USP48: variants seen among roughly 807,000 people sequenced by gnomAD.
The protein encoded by USP48 is ubiquitin carboxyl-terminal hydrolase 48.
In USP48, 43 loss-of-function variants were observed where a neutral mutation model predicts 150.7. The observed-to-expected ratio is 0.29, with a 90% CI of 0.22 to 0.37. USP48 has a LOEUF of 0.37. USP48 is among the 10% of genes least tolerant of loss of function. USP48 has a pLI of 1.00. For missense variants in USP48, 813 were observed against 1,249.6 expected (o/e 0.65, Z 5.27); for synonymous variants, 396 against 425.9 (o/e 0.93, Z 0.86).
In USP48 at chr1:21,728,478, T is replaced by TA; in HGVS notation, c.1450+91dup. ...GGCTTTAGTGGGTTATTAGAAAGAG[T>TA]AAGTTTGAGAAAGTTTCTTCATATA... is the stretch of plus-strand genomic sequence containing the variant. On this transcript the variant is annotated intron_variant, in intron 11 of 26. Transcript: ENST00000308271. 2.0e-6 allele frequency: 3 copies of TA among 1,513,824 alleles called. No homozygotes were observed. In the South Asian group the frequency reaches 4.1e-5, roughly 21 times the overall value. 93.8% of individuals were successfully genotyped at this position (1,513,824 alleles called of 1,614,324 possible).
chr1:21,705,569 T>C (rs1415204801), intron 19 of USP48, among the ~76,000 whole-genome samples, 158 bp downstream of exon 19: 1 of 152,082 alleles, frequency 6.6e-6, no homozygotes, highest in Non-Finnish European at 1.5e-5. Context: ...GAAGCAGTCT[T>C]CTTCTCTTTT....
At chr1:21,727,137 A>G (rs1277371263) in intron 11 of USP48, among the ~76,000 whole-genome samples, 3 of 152,196 alleles carry the variant, frequency 2.0e-5, no homozygotes, top group Non-Finnish European at 4.4e-5. Flanking sequence ...ATTTTAGGGT[A>G]AGTGATCTTT....
At position 21,701,585 on chromosome 1, in the gene USP48, A is replaced by G. The variant is rs751352495; in HGVS notation, c.2640T>C (p.Ala880=). The part of the protein sequence containing the change: ...VDNKKVMKDS[A]PELNVSSSET... ...CAGAACTACTCACATTCAGTTCCGG[A>G]GCCGAATCCTTCATCACCTGAATGT... is the stretch of plus-strand genomic sequence containing the variant. Residue 880 remains alanine, a synonymous_variant, in exon 22 of 27, where the codon GCT becomes GCC. Coordinates refer to ENST00000308271, the MANE Select transcript of USP48 (RefSeq NM_032236.8). 4.3e-6 allele frequency: 7 copies of G among 1,613,754 alleles called. No individual in the cohort carries two copies. The highest frequency in any genetic ancestry group is 5.9e-6 in the Non-Finnish European group (7 of 1,179,798).
intron 25 of USP48, among the ~76,000 whole-genome samples, chr1:21,682,066 A>T (rs2097567441): frequency 6.6e-6 from 1 of 152,168 alleles, no homozygotes; most frequent in African/African-American, 2.4e-5. Context: ...TACTGGGTCC[A>T]CTGTTGATTC....
chr1:21,751,702 A>G (rs1234041181), intron 5 of USP48, 87 bp from the exon 6 acceptor site: 1 of 984,600 alleles, frequency 1.0e-6, no homozygotes, highest in Non-Finnish European at 1.6e-6. Flanking sequence ...AGATGGAAAA[A>G]AGCATTTATA....
At position 21,782,930 on chromosome 1, in the gene USP48, C is replaced by T. The variant is rs1393738556; in HGVS notation, c.28G>A (p.Ala10Thr). The change falls in exon 1 of 27, where the codon GCG becomes ACG. Residue 10 changes from alanine to threonine, a missense_variant. Coordinates refer to ENST00000308271, the MANE Select transcript of USP48 (RefSeq NM_032236.8). Reference protein sequence around the residue: MAPRLQLEKAAWRWAETVRP... With the variant: MAPRLQLEKTAWRWAETVRP... ...ACCGTCTCCGCCCAGCGCCAGGCCGCCTTCTCCAGCTGCAGCCGCGGGGCC... is the reference window on the plus strand; with the variant it reads ...ACCGTCTCCGCCCAGCGCCAGGCCGTCTTCTCCAGCTGCAGCCGCGGGGCC... 1 of 1,549,282 alleles carries T rather than the reference C, an allele frequency of 6.5e-7. No homozygotes were observed. Among genetic ancestry groups the T allele is most frequent in the Middle Eastern group, 2.1e-4 (1 of 4,822 alleles).
chr1:21,777,512 A>C (rs570654226), intron 1 of USP48, among the ~76,000 whole-genome samples: 2 of 152,076 alleles, frequency 1.3e-5, no homozygotes, highest in East Asian at 3.9e-4. Flanking sequence ...AAAAAATACC[A>C]AAAAAATTAG....
rs377367152 is a variant in USP48, at chr1:21,738,659, AT to A, written c.992-2035del. Among the ~76,000 whole-genome samples, 528 of 143,818 alleles carry A rather than the reference AT, an allele frequency of 3.7e-3. 2 individuals carry two copies. Among genetic ancestry groups the A allele is most frequent in the African/African-American group, 8.0e-3 (315 of 39,320 alleles). 94.4% of individuals were successfully genotyped at this position (143,818 alleles called of 152,430 possible). The stretch of plus-strand genomic sequence containing the variant: ...AGGTGTGAGCCACCACGCCCGGCCC[AT>A]TTTTTTTTTTTATAGACAGGGTCTC... On this transcript the variant is annotated intron_variant, in intron 8 of 26. Coordinates refer to ENST00000308271, the MANE Select transcript of USP48 (RefSeq NM_032236.8).
intron 25 of USP48, among the ~76,000 whole-genome samples, chr1:21,682,840 A>C (rs1450758513): frequency 6.7e-6 from 1 of 149,950 alleles, no homozygotes; most frequent in African/African-American, 2.5e-5. Context: ...ATGCCACTGC[A>C]CTCCAGCTTG....
intron 11 of USP48, chr1:21,724,956 A>G (rs904158932): frequency 1.3e-5 from 2 of 152,148 alleles, no homozygotes; most frequent in South Asian, 4.1e-4. Context: ...AAGAAAACAT[A>G]CAGAGGTTGA....
rs1215197159 is a variant in USP48 at position 21,722,283 on chromosome 1, C to T, written c.1649-519G>A. On this transcript the variant is annotated intron_variant, in intron 12 of 26. Coordinates refer to ENST00000308271, the MANE Select transcript of USP48 (RefSeq NM_032236.8). ...ACAGTGGCAGGTATAGTGGCTCATA[C>T]CACCAAGAGCTTTGGGAAGCCAAGC... Among the ~76,000 whole-genome samples the T allele has an allele frequency of 3.3e-5, 5 of 151,656 alleles. No homozygotes were observed. The East Asian group carries it at 9.7e-4, about 30-fold the overall frequency.
At chr1:21,755,513 G>C (rs1485946963) in intron 3 of USP48, among the ~76,000 whole-genome samples, 2 of 152,090 alleles carry the variant, frequency 1.3e-5, no homozygotes, top group Non-Finnish European at 2.9e-5. Flanking sequence ...AGTGAGCTGT[G>C]CTCGCACCAG....
At chr1:21,758,380 T>C (rs2097842173) in intron 1 of USP48, among the ~76,000 whole-genome samples, 1 of 152,126 alleles carries the variant, frequency 6.6e-6, no homozygotes, top group African/African-American at 2.4e-5. Context: ...TTCTGCTCAT[T>C]TTGTACAAAA....
intron 1 of USP48, among the ~76,000 whole-genome samples, chr1:21,760,000 T>C (rs1320740191): frequency 6.6e-6 from 1 of 152,134 alleles, no homozygotes; most frequent in African/African-American, 2.4e-5. Context: ...CTTAACCAAA[T>C]GCTTAAATTT....
intron 1 of USP48, among the ~76,000 whole-genome samples, chr1:21,760,671 G>T (rs547338064): frequency 6.6e-6 from 1 of 151,912 alleles, no homozygotes; most frequent in Non-Finnish European, 1.5e-5. Flanking sequence ...AGCCGAGATC[G>T]TGCCACTGCA....
At chr1:21,708,884 C>CAAA (rs1181628764) in intron 15 of USP48, among the ~76,000 whole-genome samples, 260 of 16,590 alleles carry the variant, frequency 0.016, 3 homozygotes, top group Non-Finnish European at 0.032. Flanking sequence ...GACTCCGTCT[C>CAAA]AAAAAAAAAA....
intron 15 of USP48, among the ~76,000 whole-genome samples, chr1:21,708,670 TCAGGAGTTCAAGAC>T (rs887664388): frequency 6.6e-6 from 1 of 151,472 alleles, no homozygotes; most frequent in African/African-American, 2.4e-5. Flanking sequence ...GATCACAAGG[TCAGGAGTTCAAGAC>T]CAGCTTGACC....
intron 15 of USP48, among the ~76,000 whole-genome samples, chr1:21,713,923 G>C (rs962853293): frequency 3.9e-5 from 6 of 152,118 alleles, no homozygotes; most frequent in African/African-American, 1.4e-4. Context: ...ACACACCCCA[G>C]GATGGCCCCT....
rs557969975 is a variant in USP48, at chr1:21,760,717, A to C, written c.135-2934T>G. Among the ~76,000 whole-genome samples, 6 of 151,880 alleles carry C rather than the reference A, an allele frequency of 4.0e-5. No homozygotes were observed. In the South Asian group the frequency reaches 1.2e-3, roughly 31 times the overall value. ...GGCAACAAGAACAAAACTCTATCTC[A>C]AAAAAAATAAAAATAAAAATAAATT... On this transcript the variant is annotated intron_variant, in intron 1 of 26. Transcript: ENST00000308271.
Sources: gnomAD v4.1 joint callset for allele counts (sites outside exome capture counted in the v4.1 genomes callset) on GRCh38, gnomAD v4.1.1 for gene constraint, MANE v1.5 for transcripts, NCBI Gene and HGNC (gene_info 2026-07-23, HGNC 2026-07-21) for gene names.